The following GRM3 variants were observed in gnomAD, a reference collection of about 807,000 sequenced individuals.
GRM3 encodes glutamate metabotropic receptor 3.
GRM3 carries 26 observed loss-of-function variants against 70.5 expected under a neutral mutation model. The observed-to-expected ratio is 0.37, with a 90% CI of 0.27 to 0.51. The LOEUF (loss-of-function observed/expected upper bound fraction) is 0.51. Ranked by LOEUF, GRM3 falls within the 20% of genes least tolerant of loss-of-function variation. The pLI is 0.93. For missense variants in GRM3, 859 were observed against 1,123.8 expected, an observed-to-expected ratio of 0.76 and a Z score of 3.37; for synonymous variants, 443 against 434.9, an observed-to-expected ratio of 1.02 and a Z score of -0.23.
chr7:86,664,081 C>G (rs1793964153), intron 1 of GRM3, among the ~76,000 whole-genome samples: 1 of 151,864 alleles, frequency 6.6e-6, no homozygotes, highest in Non-Finnish European at 1.5e-5. Context: ...GAGGGTTGTT[C>G]TTATCCAAGA....
chr7:86,721,311 A>G (rs1028311691), intron 1 of GRM3, among the ~76,000 whole-genome samples: 1 of 152,068 alleles, frequency 6.6e-6, no homozygotes, highest in South Asian at 2.1e-4. Flanking sequence ...TTTCTTCCTC[A>G]TGGCTTCTAG....
chr7:86,737,178 A>G (rs1371942701), intron 1 of GRM3, among the ~76,000 whole-genome samples: 7 of 152,218 alleles, frequency 4.6e-5, no homozygotes, highest in African/African-American at 9.6e-5. Flanking sequence ...GGAGATAAAG[A>G]CCTAGGTCTG....
chr7:86,662,555 T>C (rs902004449), intron 1 of GRM3, among the ~76,000 whole-genome samples: 2 of 151,952 alleles, frequency 1.3e-5, no homozygotes, highest in African/African-American at 4.8e-5. Context: ...TAGATTTTAC[T>C]GATAATAAAT....
intron 1 of GRM3, among the ~76,000 whole-genome samples, chr7:86,708,567 G>A (rs1795112025): frequency 6.6e-6 from 1 of 152,054 alleles, no homozygotes; most frequent in African/African-American, 2.4e-5. Flanking sequence ...TGCCAGCTGG[G>A]GATAGACATC....
In GRM3 at chr7:86,671,275, C is replaced by G. The variant is rs802451; in HGVS notation, c.-141+26403C>G. 3.2e-4 allele frequency among the ~76,000 whole-genome samples: 48 copies of G among 152,286 alleles called. 1 individual carries two copies. Among genetic ancestry groups the G allele is most frequent in the African/African-American group, 1.1e-3 (46 of 41,560 alleles). Reference sequence around the variant, plus strand: ...ATTTCTGCAACCATTTTAATAGCACCTACTTACTTCAGTGTATGGTAATTA... The same window carrying G: ...ATTTCTGCAACCATTTTAATAGCACGTACTTACTTCAGTGTATGGTAATTA... On this transcript the variant is annotated intron_variant, in intron 1 of 5. Transcript: ENST00000361669.
In GRM3 at chr7:86,850,524, C is replaced by A; in HGVS notation, c.2546C>A (p.Thr849Asn). 6.2e-7 allele frequency: 1 copy of A among 1,608,794 alleles called. No homozygotes were observed. The highest frequency in any genetic ancestry group is 8.5e-7 in the Non-Finnish European group (1 of 1,175,356). Residue 849 changes from threonine (T) to asparagine (N), a missense_variant, in exon 5 of 6, where the codon ACT (threonine) becomes AAT (asparagine). Coordinates refer to ENST00000361669, the MANE Select transcript of GRM3 (RefSeq NM_000840.3). ...CTCAACAGGTTCAGTGTCAGTGGAACTGGGACCACATACTCTCAGTGTAAG... is the reference window on the plus strand; with the variant it reads ...CTCAACAGGTTCAGTGTCAGTGGAAATGGGACCACATACTCTCAGTGTAAG... ...LHLNRFSVSG[T>N]GTTYSQSSAS...
intron 2 of GRM3, among the ~76,000 whole-genome samples, chr7:86,785,328 A>G (rs561848415): frequency 6.6e-6 from 1 of 152,314 alleles, no homozygotes; most frequent in African/African-American, 2.4e-5. Flanking sequence ...CTCTTCAAAT[A>G]CTGTATGCAT....
At chr7:86,750,765 T>C (rs1584214406) in intron 1 of GRM3, among the ~76,000 whole-genome samples, 1 of 151,582 alleles carries the variant, frequency 6.6e-6, no homozygotes, top group African/African-American at 2.4e-5. Context: ...CAATAAAAGA[T>C]TGATGTTATC....
Position 86,644,124 on chromosome 7 carries a change from C to A in GRM3, c.-889C>A. 1 of 158,202 alleles carries A rather than the reference C, an allele frequency of 6.3e-6. No homozygotes were observed. Among genetic ancestry groups the A allele is most frequent in the Non-Finnish European group, 1.4e-5 (1 of 71,608 alleles). The allele number at this position is 158,202 out of a possible 1,614,324, so 9.8% of individuals were successfully genotyped here. On this transcript the variant is annotated 5_prime_UTR_variant, in exon 1 of 6. Coordinates refer to ENST00000361669, the MANE Select transcript of GRM3 (RefSeq NM_000840.3). ...TTTAAAGTTGGAGCCGCCACCCTCC[C>A]TACCGCCCCATGCCCCTTCACCCCA...
chr7:86,699,742 T>C (rs915883432), intron 1 of GRM3, among the ~76,000 whole-genome samples: 5 of 151,994 alleles, frequency 3.3e-5, no homozygotes, highest in African/African-American at 1.2e-4. Flanking sequence ...CAAAATGGTT[T>C]TGAAGTAACT....
rs1212407490 is a variant in GRM3, at chr7:86,787,046, T to C, written c.1254T>C (p.Leu418=). Residue 418 remains leucine, a synonymous_variant, in exon 3 of 6, where the codon CTT becomes CTC. Coordinates refer to ENST00000361669, the MANE Select transcript of GRM3 (RefSeq NM_000840.3). ...CCCTCTGTCCCAACACTACCAAGCT[T>C]TGTGATGCTATGAAGATCCTGGATG... is the stretch of plus-strand genomic sequence containing the variant. ...QRTLCPNTTK[L]CDAMKILDGK... 6 of 1,613,352 alleles carry C rather than the reference T, an allele frequency of 3.7e-6. No individual in the cohort carries two copies. The highest frequency in any genetic ancestry group is 1.1e-5 in the South Asian group (1 of 91,068).
chr7:86,736,047 CTG>C (rs1795849862), intron 1 of GRM3, among the ~76,000 whole-genome samples: 1 of 152,194 alleles, frequency 6.6e-6, no homozygotes, highest in Non-Finnish European at 1.5e-5. Context: ...ACTTTTTCCA[CTG>C]TGTTTGAAGA....
Position 86,839,327 on chromosome 7 carries a change from C to A in GRM3, c.1813C>A (p.Pro605Thr). ...VTVFIKHNNT[P>T]LVKASGRELC... is the part of the protein sequence containing the mutation. ...TGTTTTTATCAAGCACAACAACACA[C>A]CCTTGGTCAAAGCATCGGGCCGAGA... is the stretch of plus-strand genomic sequence containing the variant. Residue 605 changes from proline (P) to threonine (T), a missense_variant, in exon 4 of 6, where the codon CCC becomes ACC. By Grantham distance (38) the Pro-to-Thr change is conservative (BLOSUM62 -1). Transcript: ENST00000361669. The surrounding 1 kb of genome is among the most constrained non-coding windows in gnomAD (Gnocchi z 4.5). The A allele has an allele frequency of 3.7e-6, 6 of 1,613,950 alleles. No homozygotes were observed. The highest frequency in any genetic ancestry group is 5.1e-6 in the Non-Finnish European group (6 of 1,179,850).
intron 1 of GRM3, among the ~76,000 whole-genome samples, chr7:86,725,337 A>G (rs1304283861): frequency 6.6e-6 from 1 of 152,154 alleles, no homozygotes; most frequent in African/African-American, 2.4e-5. Flanking sequence ...TGAACAACCA[A>G]TCTCACAGTA....
intron 3 of GRM3, among the ~76,000 whole-genome samples, chr7:86,820,572 G>A (rs557564171): frequency 2.0e-5 from 3 of 152,244 alleles, no homozygotes; most frequent in South Asian, 4.1e-4. Flanking sequence ...GGTCCCTTTA[G>A]AGTGTTATGA....
chr7:86,744,782 T>G (rs185738255), intron 1 of GRM3, among the ~76,000 whole-genome samples: 8 of 152,214 alleles, frequency 5.3e-5, no homozygotes, highest in Non-Finnish European at 1.0e-4. Flanking sequence ...CTAAAACCAG[T>G]GCTGAGATAG....
intron 1 of GRM3, among the ~76,000 whole-genome samples, chr7:86,726,456 A>G (rs907329085): frequency 1.3e-5 from 2 of 152,226 alleles, no homozygotes; most frequent in African/African-American, 2.4e-5. Flanking sequence ...ATTGCAATAT[A>G]TAGTTCAGAG....
At chr7:86,800,475 G>A (rs1797656670) in intron 3 of GRM3, among the ~76,000 whole-genome samples, 1 of 152,150 alleles carries the variant, frequency 6.6e-6, no homozygotes. Flanking sequence ...TGATCCCACA[G>A]AAATACAAGC....
At chr7:86,767,514 CATATATATATATATAT>C (rs3057233) in intron 2 of GRM3, among the ~76,000 whole-genome samples, 4,950 of 100,108 alleles carry the variant, frequency 0.049, 210 homozygotes, top group African/African-American at 0.1. Context: ...GGTCATACTT[CATATATATATATATAT>C]ATATATATAT....
Sources: allele counts gnomAD v4.1 joint callset (sites outside exome capture counted in the v4.1 genomes callset), GRCh38; gene constraint gnomAD v4.1.1; non-coding constraint Gnocchi (gnomAD v3.1); transcripts MANE v1.5; gene names NCBI Gene and HGNC (gene_info 2026-07-23, HGNC 2026-07-21).